EFCAB8: variants seen among roughly 807,000 people sequenced by gnomAD.
EFCAB8 encodes EF-hand calcium-binding domain-containing protein 8.
Under a neutral mutation model 116.3 loss-of-function variants are expected in EFCAB8, and 100 were observed. That is an observed-to-expected ratio of 0.86 (90% confidence interval 0.73 to 1.02). EFCAB8 has a LOEUF of 1.02. Among genes scored for constraint, EFCAB8 ranks in the 50% least tolerant of loss-of-function variants. The pLI is 0.00. For missense variants in EFCAB8, 1,320 were observed against 1,416.9 expected (o/e 0.93, Z 1.10); for synonymous variants, 558 against 567.9 (o/e 0.98, Z 0.25).
Position 32,960,141 on chromosome 20 carries a change from T to G in EFCAB8, c.3373T>G (p.Tyr1125Asp). 1 of 1,551,662 alleles carries G rather than the reference T, an allele frequency of 6.4e-7. No individual in the cohort carries two copies. Among genetic ancestry groups the G allele is most frequent in the African/African-American group, 1.4e-5 (1 of 73,152 alleles). Residue 1125 changes from tyrosine (Y) to aspartate (D), a missense_variant, in exon 26 of 27, where the codon TAT becomes GAT. By Grantham distance (160) the Tyr-to-Asp change is radical (BLOSUM62 -3). Coordinates refer to ENST00000400522, the MANE Select transcript of EFCAB8 (RefSeq NM_001143967.2). ...NTRFLSTRVP[Y>D]GWMKHQISPQ... ...CAGGTTCCTGTCCACCAGGGTGCCA[T>G]ATGGCTGGATGAAGCATCAGGTAAG... is the stretch of plus-strand genomic sequence containing the variant.
At chr20:32,960,032 C>T in intron 25 of EFCAB8, 31 bp from the exon 26 acceptor site, 1 of 1,551,624 alleles carries the variant, frequency 6.4e-7, no homozygotes, top group Non-Finnish European at 8.7e-7. Flanking sequence ...CCCCAACTCG[C>T]AGCCTTCATT....
At position 32,917,431 on chromosome 20, in the gene EFCAB8, T is replaced by C. The variant is rs1161528838; in HGVS notation, c.1987T>C (p.Trp663Arg). The change falls in exon 18 of 27, where the codon TGG becomes CGG. Residue 663 changes from tryptophan (W) to arginine (R), a missense_variant. By Grantham distance (101) the Trp-to-Arg change is moderately radical. Transcript: ENST00000400522. ...CTCCTACAGTGGGGACATCCTCTTC[T>C]GGAACACCGGCACACTCAAGCCCAT... The part of the protein sequence containing the change: ...TSSYSGDILF[W>R]NTGTLKPIFN... 3 of 1,551,986 alleles carry C rather than the reference T, an allele frequency of 1.9e-6. No individual in the cohort carries two copies. The highest frequency in any genetic ancestry group is 2.6e-6 in the Non-Finnish European group (3 of 1,147,072).
In EFCAB8 at chr20:32,909,803, C is replaced by T. The variant is rs564036669; in HGVS notation, c.1447-18C>T. 8.2e-7 allele frequency: 1 copy of T among 1,216,108 alleles called. No homozygotes were observed. The highest frequency in any genetic ancestry group is 4.2e-5 in the South Asian group (1 of 23,704). The allele number at this position is 1,216,108 out of a possible 1,614,324, so 75.3% of individuals were successfully genotyped here. A position where few individuals can be genotyped will look rare whatever the true frequency, so the allele number is the denominator to read the frequency against. On this transcript the variant is annotated intron_variant, in intron 14 of 26. Coordinates refer to ENST00000400522, the MANE Select transcript of EFCAB8 (RefSeq NM_001143967.2). ...CCCTTCTGACAGACAAGCTCTCTGC[C>T]CCTTTCCTCACCTACAGATCGGGAT...
intron 3 of EFCAB8, among the ~76,000 whole-genome samples, chr20:32,872,162 A>T (rs979443397): frequency 1.3e-5 from 2 of 152,186 alleles, no homozygotes; most frequent in Non-Finnish European, 2.9e-5. Flanking sequence ...TGGGTGTTGT[A>T]TAAGGAGAAT....
chr20:32,869,784 A>G (rs1984599624), intron 3 of EFCAB8, among the ~76,000 whole-genome samples: 1 of 152,176 alleles, frequency 6.6e-6, no homozygotes. Context: ...ATTTCAGACT[A>G]CTTTTCACTT....
intron 23 of EFCAB8, among the ~76,000 whole-genome samples, chr20:32,951,229 TA>T (rs1413203560): frequency 1.3e-5 from 2 of 152,178 alleles, no homozygotes; most frequent in African/African-American, 2.4e-5. Flanking sequence ...ACTACATACA[TA>T]AATGTTCACA....
chr20:32,931,212 A>G lies in EFCAB8; in HGVS notation c.2666A>G (p.Asp889Gly). 3 of 1,550,298 alleles carry G rather than the reference A, an allele frequency of 1.9e-6. No individual in the cohort carries two copies. Among genetic ancestry groups the G allele is most frequent in the Non-Finnish European group, 2.6e-6 (3 of 1,146,404 alleles). ...ATCAAGGATTACTGCGCATTGATTGATAAACAGCCATTCCAATCCAGTGGG... is the reference window on the plus strand; with the variant it reads ...ATCAAGGATTACTGCGCATTGATTGGTAAACAGCCATTCCAATCCAGTGGG... ...WDIKDYCALI[D>G]KQPFQSSGAK... The change falls in exon 22 of 27, where the codon GAT (aspartate) becomes GGT (glycine). Residue 889 changes from aspartate to glycine, a missense_variant. By Grantham distance (94) the Asp-to-Gly change is moderately conservative. Coordinates refer to ENST00000400522, the MANE Select transcript of EFCAB8 (RefSeq NM_001143967.2).
At chr20:32,941,796 C>G (rs974416214) in intron 22 of EFCAB8, among the ~76,000 whole-genome samples, 6 of 152,074 alleles carry the variant, frequency 3.9e-5, no homozygotes, top group Admixed American at 3.3e-4. Context: ...GGTGGTTGCA[C>G]AGCTCTGAAA....
rs775169647 is a variant in EFCAB8, at chr20:32,906,831, T to C, written c.1157-12T>C. The C allele has an allele frequency of 2.8e-5, 37 of 1,345,444 alleles. No homozygotes were observed. Among genetic ancestry groups the C allele is most frequent in the Non-Finnish European group, 3.8e-5 (36 of 959,212 alleles). 83.3% of individuals were successfully genotyped at this position (1,345,444 alleles called of 1,614,324 possible). ...GAGGCCCCTGGGACTGACACCCACG[T>C]CTTGACCACAGTGACTGGTGGCTAC... is the stretch of plus-strand genomic sequence containing the variant. On this transcript the variant is annotated splice_polypyrimidine_tract_variant and intron_variant, in intron 12 of 26. Coordinates refer to ENST00000400522, the MANE Select transcript of EFCAB8 (RefSeq NM_001143967.2).
intron 20 of EFCAB8, among the ~76,000 whole-genome samples, chr20:32,925,703 G>A (rs1044158564): frequency 6.6e-6 from 1 of 152,366 alleles, no homozygotes; most frequent in South Asian, 2.1e-4. Context: ...CCCCAGTAGG[G>A]AAGGACCAGA....
chr20:32,921,904 C>T (rs1033001471), intron 20 of EFCAB8, among the ~76,000 whole-genome samples: 1 of 147,782 alleles, frequency 6.8e-6, no homozygotes, highest in African/African-American at 2.5e-5. Context: ...GATATCAGCT[C>T]ACTGCACCTC....
chr20:32,954,163 T>C (rs1201919324), intron 23 of EFCAB8, among the ~76,000 whole-genome samples: 1 of 152,218 alleles, frequency 6.6e-6, no homozygotes, highest in Non-Finnish European at 1.5e-5. Context: ...TTTGCTTTCA[T>C]TGCCTGTTTT....
chr20:32,930,276 A>T (rs994210466), intron 20 of EFCAB8, 122 bp from the exon 21 acceptor site: 1 of 777,332 alleles, frequency 1.3e-6, no homozygotes, highest in Non-Finnish European at 2.0e-6. Context: ...CACCATCACC[A>T]CTTTCACTGG....
rs1266261300 is a variant in EFCAB8 at position 32,960,188 on chromosome 20, A to T, written c.3393+27A>T. ...TAAGGTGGGATGGGGCAGCTCCCCAAGAGGCTGGGTCAGGGGCCAGGGGAT... is the reference window on the plus strand; with the variant it reads ...TAAGGTGGGATGGGGCAGCTCCCCATGAGGCTGGGTCAGGGGCCAGGGGAT... On this transcript the variant is annotated intron_variant, in intron 26 of 26. Coordinates refer to ENST00000400522, the MANE Select transcript of EFCAB8 (RefSeq NM_001143967.2). 5.8e-6 allele frequency: 9 copies of T among 1,547,810 alleles called. No individual in the cohort carries two copies. In the Admixed American group the frequency reaches 1.8e-4, roughly 30 times the overall value.
In EFCAB8 at chr20:32,888,558, G is replaced by A. The variant is rs1985750881; in HGVS notation, c.568-743G>A. On this transcript the variant is annotated intron_variant, in intron 6 of 26. Transcript: ENST00000400522. The stretch of plus-strand genomic sequence containing the variant: ...TTTTGTAGAGATGGGGTCTCCCTAT[G>A]TTGCCCAGGCTGGTCTCGAACTCCT... Among the ~76,000 whole-genome samples the A allele has an allele frequency of 2.0e-5, 3 of 151,930 alleles. No homozygotes were observed. In the South Asian group the frequency reaches 6.2e-4, roughly 32 times the overall value.
At chr20:32,958,990 G>A (rs1220741854) in intron 24 of EFCAB8, among the ~76,000 whole-genome samples, 1 of 152,158 alleles carries the variant, frequency 6.6e-6, no homozygotes, top group Non-Finnish European at 1.5e-5. Flanking sequence ...GCAGGCTGCT[G>A]GCTACTTGGT....
rs1986837241 is a variant in EFCAB8 at position 32,909,871 on chromosome 20, G to A, written c.1497G>A (p.Arg499=). 2 of 1,249,942 alleles carry A rather than the reference G, an allele frequency of 1.6e-6. No homozygotes were observed. Among genetic ancestry groups the A allele is most frequent in the Non-Finnish European group, 2.0e-6 (2 of 988,282 alleles). The allele number at this position is 1,249,942 out of a possible 1,614,324, so 77.4% of individuals were successfully genotyped here. A position where few individuals can be genotyped will look rare whatever the true frequency, so the allele number is the denominator to read the frequency against. ...YLEAQGLIKA[R]KRTTHCSPLC... The stretch of plus-strand genomic sequence containing the variant: ...AGGCCCAGGGGCTTATCAAAGCAAG[G>A]AAGAGGACCACTCATTGCTCACCCC... Residue 499 remains arginine (R), a synonymous_variant, in exon 15 of 27, where the codon AGG becomes AGA. Coordinates refer to ENST00000400522, the MANE Select transcript of EFCAB8 (RefSeq NM_001143967.2).
In EFCAB8 at chr20:32,896,485, CTTAAATGAG is replaced by C; in HGVS notation, c.916_924del (p.Leu306_Glu308del). 1.4e-6 allele frequency: 1 copy of C among 719,012 alleles called. No homozygotes were observed. The highest frequency in any genetic ancestry group is 1.5e-5 in the South Asian group (1 of 67,604). The allele number at this position is 719,012 out of a possible 1,614,324, so 44.5% of individuals were successfully genotyped here. On this transcript the variant is annotated inframe_deletion, in exon 10 of 27. Coordinates refer to ENST00000400522, the MANE Select transcript of EFCAB8 (RefSeq NM_001143967.2). ...GGATCAAAGTTTCCTTGCAGAAACT[CTTAAATGAG>C]AAGTCTGCTTTGCATAGAAGCTACC...
chr20:32,933,902 G>A (rs1988004544), intron 22 of EFCAB8, among the ~76,000 whole-genome samples: 1 of 152,200 alleles, frequency 6.6e-6, no homozygotes, highest in South Asian at 2.1e-4. Context: ...ACTTGAACCT[G>A]GGAGGCAGAG....
Sources: gnomAD v4.1 joint callset for allele counts (sites outside exome capture counted in the v4.1 genomes callset) on GRCh38, gnomAD v4.1.1 for gene constraint, MANE v1.5 for transcripts, NCBI Gene and HGNC (gene_info 2026-07-23, HGNC 2026-07-21) for gene names.